The following LTBP2 variants were observed in gnomAD, a reference collection of about 807,000 sequenced individuals.
LTBP2 encodes latent transforming growth factor beta binding protein 2, also known as latent-transforming growth factor beta-binding protein 2.
Under a neutral mutation model 210.6 loss-of-function variants are expected in LTBP2, and 103 were observed. That is an observed-to-expected ratio of 0.49 (90% confidence interval 0.42 to 0.58). The LOEUF is 0.58. Ranked by LOEUF, LTBP2 falls within the 20% of genes least tolerant of loss-of-function variation. The pLI is 0.00. For missense variants in LTBP2, 2,313 were observed against 2,494.5 expected (o/e 0.93, Z 1.55); for synonymous variants, 1,007 against 1,015.0 (o/e 0.99, Z 0.15).
rs181185273 is a variant in LTBP2, at chr14:74,572,074, A to G, written c.830+13780T>C. ...AAGCAACTATGTGTTTTCACATTTC[A>G]TTATTGGGAATCATTTAGCAATCTT... On this transcript the variant is annotated intron_variant, in intron 3 of 35. Coordinates refer to ENST00000261978, the MANE Select transcript of LTBP2 (RefSeq NM_000428.3). Among the ~76,000 whole-genome samples, 266 of 152,212 alleles carry G rather than the reference A, an allele frequency of 1.7e-3. 2 individuals carry two copies. Among genetic ancestry groups the G allele is most frequent in the Non-Finnish European group, 3.2e-3 (219 of 68,016 alleles).
rs2086897165 is a variant in LTBP2 at position 74,500,526 on chromosome 14, A to G, written c.*358T>C. ...AGGATGATGGTGGATTGTGGCTGGA[A>G]AGGGGTGTCTGCAGTGTGAGGCCAT... On this transcript the variant is annotated 3_prime_UTR_variant, in exon 36 of 36. Transcript: ENST00000261978. 9.0e-6 allele frequency: 4 copies of G among 445,804 alleles called. No homozygotes were observed. The highest frequency in any genetic ancestry group is 8.9e-5 in the South Asian group (4 of 44,832). 27.6% of individuals were successfully genotyped at this position (445,804 alleles called of 1,614,324 possible).
intron 9 of LTBP2, among the ~76,000 whole-genome samples, 185 bp from the exon 10 acceptor site, chr14:74,532,733 T>G (rs948805881): frequency 1.3e-5 from 2 of 152,248 alleles, no homozygotes; most frequent in African/African-American, 2.4e-5. Context: ...ATAATGATAG[T>G]AACAACCAGA....
At chr14:74,509,932 G>A in intron 20 of LTBP2, 73 bp from the exon 21 acceptor site, 1 of 1,612,214 alleles carries the variant, frequency 6.2e-7, no homozygotes, top group Non-Finnish European at 8.5e-7. Flanking sequence ...GGTAGGCAGG[G>A]GTGGGGGAAG....
intron 2 of LTBP2, among the ~76,000 whole-genome samples, chr14:74,600,169 G>A (rs1240690644): frequency 2.0e-5 from 3 of 152,176 alleles, no homozygotes; most frequent in African/African-American, 2.4e-5. Flanking sequence ...GCCCGCCTGC[G>A]TGGGTTCTCA....
intron 18 of LTBP2, among the ~76,000 whole-genome samples, chr14:74,513,318 G>C (rs1397563262): frequency 6.6e-6 from 1 of 152,210 alleles, no homozygotes; most frequent in Non-Finnish European, 1.5e-5. Context: ...GACTAGTGAG[G>C]GCCAACGAAC....
chr14:74,595,926 G>A (rs1291213919), intron 2 of LTBP2, among the ~76,000 whole-genome samples: 2 of 152,206 alleles, frequency 1.3e-5, no homozygotes, highest in Non-Finnish European at 2.9e-5. Flanking sequence ...GATGGGCGTG[G>A]TTGCTCATGC....
intron 9 of LTBP2, among the ~76,000 whole-genome samples, chr14:74,534,968 G>A (rs1162762231): frequency 6.6e-6 from 1 of 152,098 alleles, no homozygotes; most frequent in Non-Finnish European, 1.5e-5. Flanking sequence ...AACATACCAG[G>A]AGGAAAAGCA....
chr14:74,501,631 G>A (rs963329042), intron 34 of LTBP2, 41 bp from the exon 35 acceptor site: 2 of 1,612,640 alleles, frequency 1.2e-6, no homozygotes, highest in African/African-American at 2.7e-5. Flanking sequence ...GCTGAGGGCT[G>A]TGTCCAGACT....
rs894130301 is a variant in LTBP2 at position 74,555,819 on chromosome 14, T to C, written c.831-126A>G. On this transcript the variant is annotated intron_variant, in intron 3 of 35. Coordinates refer to ENST00000261978, the MANE Select transcript of LTBP2 (RefSeq NM_000428.3). ...TGCTCTCTGGCTGCCTTCTCACCCA[T>C]GTATGGCTGACTCCCAGACATGAAG... The C allele has an allele frequency of 1.3e-5, 8 of 629,220 alleles. No individual in the cohort carries two copies. In the South Asian group the frequency reaches 2.7e-4, roughly 21 times the overall value. The allele number at this position is 629,220 out of a possible 1,614,324, so 39.0% of individuals were successfully genotyped here.
At position 74,525,003 on chromosome 14, in the gene LTBP2, C is replaced by T. The variant is rs146917360; in HGVS notation, c.2530+121G>A. 98 of 501,296 alleles carry T rather than the reference C, an allele frequency of 2.0e-4. 1 individual carries two copies. Among genetic ancestry groups the T allele is most frequent in the African/African-American group, 1.8e-3 (91 of 51,048 alleles). 31.1% of individuals were successfully genotyped at this position (501,296 alleles called of 1,614,324 possible). A position where few individuals can be genotyped will look rare whatever the true frequency, so the allele number is the denominator to read the frequency against. ...AGCCCAGCTGGGAGCCTGCTGGGGACTTTACCTAGTTGGAAAGGTGAGGGG... is the reference window on the plus strand; with the variant it reads ...AGCCCAGCTGGGAGCCTGCTGGGGATTTTACCTAGTTGGAAAGGTGAGGGG... On this transcript the variant is annotated intron_variant, in intron 15 of 35. Coordinates refer to ENST00000261978, the MANE Select transcript of LTBP2 (RefSeq NM_000428.3).
At chr14:74,534,553 A>T (rs760924589) in intron 9 of LTBP2, among the ~76,000 whole-genome samples, 1 of 152,116 alleles carries the variant, frequency 6.6e-6, no homozygotes, top group Non-Finnish European at 1.5e-5. Context: ...CGCCCCCACC[A>T]TGGGATCCTG....
chr14:74,542,067 A>C (rs2087515007), intron 8 of LTBP2, among the ~76,000 whole-genome samples: 1 of 152,120 alleles, frequency 6.6e-6, no homozygotes, highest in Admixed American at 6.5e-5. Context: ...AGACTCTTAG[A>C]CTTGGGAAAG....
At chr14:74,548,123 C>T (rs1258341309) in intron 8 of LTBP2, among the ~76,000 whole-genome samples, 1 of 151,566 alleles carries the variant, frequency 6.6e-6, no homozygotes, top group East Asian at 1.9e-4. Flanking sequence ...CCTGTAGGGC[C>T]CCCATCCCAC....
rs750767204 is a variant in LTBP2 at position 74,528,714 on chromosome 14, C to A, written c.2153-16G>T. ...CTGAAGGCCTCTGCAAAGCCAACAG[C>A]CAGAGGACAAACTGAGAGGTGCTGT... On this transcript the variant is annotated splice_polypyrimidine_tract_variant and intron_variant, in intron 11 of 35. Transcript: ENST00000261978. 9.3e-6 allele frequency: 15 copies of A among 1,609,444 alleles called. 1 individual carries two copies. The Admixed American group carries it at 2.3e-4, about 25-fold the overall frequency.
At chr14:74,544,358 C>T (rs191312855) in intron 8 of LTBP2, among the ~76,000 whole-genome samples, 105 of 152,232 alleles carry the variant, frequency 6.9e-4, no homozygotes, top group African/African-American at 2.4e-3. Context: ...TCAGATAGGC[C>T]GGGAGTTTCA....
intron 1 of LTBP2, among the ~76,000 whole-genome samples, chr14:74,609,100 G>A (rs2088570395): frequency 6.6e-6 from 1 of 152,156 alleles, no homozygotes; most frequent in Non-Finnish European, 1.5e-5. Flanking sequence ...AGCTCACAAG[G>A]CAATGAATGG....
At chr14:74,502,524 ACCTCTGGCTTGGT>A in intron 34 of LTBP2, 116 bp downstream of exon 34, 2 of 1,287,932 alleles carry the variant, frequency 1.6e-6, no homozygotes, top group South Asian at 1.2e-5. Context: ...GTGAACGGGG[ACCTCTGGCTTGGT>A]GTGTCTTTCC....
intron 3 of LTBP2, among the ~76,000 whole-genome samples, chr14:74,572,238 T>C (rs1281402512): frequency 1.3e-5 from 2 of 152,094 alleles, no homozygotes; most frequent in Admixed American, 1.3e-4. Context: ...TGGGAAATTA[T>C]CCTGCCAGGT....
intron 3 of LTBP2, among the ~76,000 whole-genome samples, chr14:74,580,481 C>G (rs2088121512): frequency 1.3e-5 from 2 of 152,170 alleles, no homozygotes; most frequent in African/African-American, 4.8e-5. Flanking sequence ...CAAGGTCATG[C>G]AGCTACAAGC....
Sources: allele counts gnomAD v4.1 joint callset (sites outside exome capture counted in the v4.1 genomes callset), GRCh38; gene constraint gnomAD v4.1.1; transcripts MANE v1.5; gene names NCBI Gene and HGNC (gene_info 2026-07-23, HGNC 2026-07-21).